ZC4H2: variants seen among roughly 807,000 people sequenced by gnomAD.
ZC4H2 encodes the protein zinc finger C4H2 domain-containing protein.
For missense variants in ZC4H2, 137 were observed against 173.9 expected, an observed-to-expected ratio of 0.79 and a Z score of 1.19; for synonymous variants, 84 against 66.3, an observed-to-expected ratio of 1.27 and a Z score of -1.30.
Position 64,950,912 on chromosome X carries a change from C to T in ZC4H2, c.53+25413G>A, listed in dbSNP as rs367615629. 3.6e-5 allele frequency among the ~76,000 whole-genome samples: 4 copies of T among 110,391 alleles called. No individual in the cohort carries two copies. In the South Asian group the frequency reaches 1.6e-3, roughly 44 times the overall value. ...TGCTGGTGTGCTGCACCCATTAACT[C>T]GTCATTTAGCATTAGGTATATCTCC... On this transcript the variant is annotated intron_variant, in intron 1 of 4. Transcript: ENST00000374839.
intron 1 of ZC4H2, among the ~76,000 whole-genome samples, chrX:64,984,548 T>C (rs1245520449): frequency 9.0e-6 from 1 of 111,234 alleles, no homozygotes; most frequent in Non-Finnish European, 1.9e-5. Context: ...TGAGCCAGTT[T>C]ACTTCTCTGG....
intron 1 of ZC4H2, among the ~76,000 whole-genome samples, chrX:64,982,384 G>T (rs1330942297): frequency 4.5e-5 from 5 of 112,003 alleles, no homozygotes; most frequent in Admixed American, 3.8e-4. Context: ...TCACAGAGCT[G>T]TTTAATGATT....
At chrX:65,034,038 G>A (rs1487817236) in intron 1 of ZC4H2, among the ~76,000 whole-genome samples, 1 of 105,163 alleles carries the variant, frequency 9.5e-6, no homozygotes, top group East Asian at 3.0e-4. Context: ...GCAGTTAGCT[G>A]AGATGGCGCC....
chrX:64,970,951 A>G (rs1161819316), intron 1 of ZC4H2, among the ~76,000 whole-genome samples: 1 of 112,182 alleles, frequency 8.9e-6, no homozygotes, highest in Non-Finnish European at 1.9e-5. Flanking sequence ...TTCAACAGAG[A>G]CACAGTAAGA....
At chrX:64,922,214 C>A in intron 1 of ZC4H2, 2 of 659,156 alleles carry the variant, frequency 3.0e-6, no homozygotes, top group East Asian at 4.5e-5. Flanking sequence ...AGTTTGAAAC[C>A]AGCATGGGCA....
chrX:64,920,193 T>C lies in ZC4H2; in HGVS notation c.286A>G (p.Arg96Gly). The C allele has an allele frequency of 8.3e-7, 1 of 1,211,530 alleles. No individual in the cohort carries two copies. ...AGTGGCTTATACTCATCATGCAGCC[T>C]CCTTGTAGACTCTAGCAGCTTGTTT... ...DLNKLLESTR[R>G]LHDEYKPLKE... Residue 96 changes from arginine (R) to glycine (G), a missense_variant, in exon 3 of 5, where the codon AGG becomes GGG. Coordinates refer to ENST00000374839, the MANE Select transcript of ZC4H2 (RefSeq NM_018684.4).
intron 2 of ZC4H2, among the ~76,000 whole-genome samples, chrX:64,921,120 G>A (rs1245936873): frequency 1.8e-5 from 2 of 112,135 alleles, no homozygotes; most frequent in Non-Finnish European, 3.8e-5. Flanking sequence ...AATGAGTATT[G>A]CCACAGAAAT....
intron 1 of ZC4H2, among the ~76,000 whole-genome samples, chrX:64,946,096 T>G (rs1462970079): frequency 2.7e-5 from 3 of 110,184 alleles, no homozygotes; most frequent in Admixed American, 9.7e-5. Context: ...AACAGTTCTC[T>G]CTCGCTTGGG....
upstream of ZC4H2, among the ~76,000 whole-genome samples, chrX:64,978,213 T>C (rs1932006312): frequency 8.9e-6 from 1 of 112,031 alleles, no homozygotes; most frequent in South Asian, 3.8e-4. Flanking sequence ...GAGAAGTTTG[T>C]GGAACATGAA....
At chrX:64,951,235 T>G (rs1009055452) in intron 1 of ZC4H2, among the ~76,000 whole-genome samples, 6 of 112,284 alleles carry the variant, frequency 5.3e-5, no homozygotes, top group African/African-American at 1.9e-4. Flanking sequence ...GTTCCAAGTC[T>G]GCTATTGTGA....
Position 64,976,319 on chromosome X carries a change from A to G in ZC4H2, c.53+6T>C. ...GGGGCGGGGAGGGGGACAACGTGCC[A>G]CTTACCTGATCTCTTTAATGCTTTC... is the stretch of plus-strand genomic sequence containing the variant. On this transcript the variant is annotated splice_donor_region_variant and intron_variant, in intron 1 of 4. Coordinates refer to ENST00000374839, the MANE Select transcript of ZC4H2 (RefSeq NM_018684.4). 1 of 1,210,984 alleles carries G rather than the reference A, an allele frequency of 8.3e-7. No individual in the cohort carries two copies. The highest frequency in any genetic ancestry group is 1.1e-6 in the Non-Finnish European group (1 of 894,819).
At chrX:65,026,796 T>C (rs1237237377) in intron 1 of ZC4H2, among the ~76,000 whole-genome samples, 4 of 111,891 alleles carry the variant, frequency 3.6e-5, no homozygotes, top group Non-Finnish European at 7.5e-5. Flanking sequence ...CTTCAAGGAA[T>C]AAGCTGCAGC....
chrX:64,983,827 T>C (rs1932127382), intron 1 of ZC4H2, among the ~76,000 whole-genome samples: 1 of 112,037 alleles, frequency 8.9e-6, no homozygotes, highest in Admixed American at 9.5e-5. Context: ...ATTTGAATGA[T>C]TTTGGGTTTC....
At chrX:64,947,690 G>A (rs1292582057) in intron 1 of ZC4H2, among the ~76,000 whole-genome samples, 1 of 111,949 alleles carries the variant, frequency 8.9e-6, no homozygotes, top group African/African-American at 3.2e-5. Context: ...AGGAGTATGT[G>A]TCTGTAACAA....
At position 65,024,559 on chromosome X, in the gene ZC4H2, T is replaced by TG. The variant is rs779057955; in HGVS notation, c.-272+10069dup. ...ACCTAAAAGAATATAGATCATTATATGAAAAAAACAAACAAACAAACAAAC... is the reference window on the plus strand; with the variant it reads ...ACCTAAAAGAATATAGATCATTATATGGAAAAAAACAAACAAACAAACAAAC... On this transcript the variant is annotated intron_variant, in intron 1 of 4. Coordinates refer to the ZC4H2 transcript ENST00000337990. Among the ~76,000 whole-genome samples, 45 of 111,769 alleles carry TG rather than the reference T, an allele frequency of 4.0e-4. 1 individual carries two copies. The highest frequency in any genetic ancestry group is 1.4e-3 in the African/African-American group (43 of 30,719).
intron 2 of ZC4H2, among the ~76,000 whole-genome samples, chrX:64,920,702 G>A (rs977659783): frequency 4.5e-5 from 5 of 112,047 alleles, no homozygotes; most frequent in Non-Finnish European, 7.5e-5. Context: ...TAGGGCTTCC[G>A]CCTCCCAGGC....
chrX:64,987,889 C>G (rs1198859534), intron 1 of ZC4H2, among the ~76,000 whole-genome samples: 1 of 69,868 alleles, frequency 1.4e-5, no homozygotes, highest in Non-Finnish European at 2.6e-5. Flanking sequence ...CCCCCCTCCC[C>G]CCACCCCACA....
intron 1 of ZC4H2, among the ~76,000 whole-genome samples, chrX:64,999,568 C>T (rs954354000): frequency 8.9e-6 from 1 of 112,018 alleles, no homozygotes; most frequent in African/African-American, 3.2e-5. Flanking sequence ...ACCCCAGTGG[C>T]TCCTGGAATG....
rs58094683 is a variant in ZC4H2, at chrX:64,999,039, G to GTTTTTTTTTT, written c.-272+35580_-272+35589dup. On this transcript the variant is annotated intron_variant, in intron 1 of 4. Transcript: ENST00000337990. Reference sequence around the variant, plus strand: ...TAGACAGCATACAGTTGGATTATGTGTTTTTTTTTTTTTTTTTTTTTTTTT... The same window carrying GTTTTTTTTTT: ...TAGACAGCATACAGTTGGATTATGTGTTTTTTTTTTTTTTTTTTTTTTTTTTTTTTTTTTT... Among the ~76,000 whole-genome samples, 25 of 11,852 alleles carry GTTTTTTTTTT rather than the reference G, an allele frequency of 2.1e-3. 1 individual carries two copies. The highest frequency in any genetic ancestry group is 3.0e-3 in the Admixed American group (2 of 657). The allele number at this position is 11,852 out of a possible 115,157, so 10.3% of individuals were successfully genotyped here. A position where few individuals can be genotyped will look rare whatever the true frequency, so the allele number is the denominator to read the frequency against.
Sources: gnomAD v4.1 joint callset for allele counts (sites outside exome capture counted in the v4.1 genomes callset) on GRCh38, gnomAD v4.1.1 for gene constraint, MANE v1.5 for transcripts, NCBI Gene and HGNC (gene_info 2026-07-23, HGNC 2026-07-21) for gene names.